Variants in COL14A1 observed in about 807,000 individuals in gnomAD.
The protein encoded by COL14A1 is collagen type XIV alpha 1 chain.
In COL14A1, 136 loss-of-function variants were observed where a neutral mutation model predicts 230.3. That is an observed-to-expected ratio of 0.59 (90% CI 0.51 to 0.68). The LOEUF (loss-of-function observed/expected upper bound fraction) is 0.68. Among genes scored for constraint, COL14A1 ranks in the 30% least tolerant of loss-of-function variants. The probability of loss-of-function intolerance (pLI) is 0.00; values close to 1 mark genes in which losing one functional copy is unlikely to be tolerated. For synonymous variants in COL14A1, 792 were observed against 784.1 expected (o/e 1.01, Z -0.17); for missense variants, 1,976 against 2,215.8 (o/e 0.89, Z 2.17).
intron 5 of COL14A1, among the ~76,000 whole-genome samples, chr8:120,177,518 G>A (rs546543915): frequency 2.0e-4 from 31 of 151,666 alleles, no homozygotes; most frequent in South Asian, 4.2e-4. Context: ...GAGTGGTGGC[G>A]CACATCAGTA....
intron 20 of COL14A1, 47 bp from the exon 21 acceptor site, chr8:120,247,566 A>C: frequency 6.3e-7 from 1 of 1,580,886 alleles, no homozygotes. Context: ...GGACATAAAG[A>C]AGGAAATTAC....
chr8:120,180,758 C>T (rs13268981), intron 5 of COL14A1, among the ~76,000 whole-genome samples: 143 of 128,454 alleles, frequency 1.1e-3, no homozygotes, highest in Admixed American at 5.0e-3. Context: ...CCCAGGCTGG[C>T]GTGCAGTGGC....
chr8:120,345,549 C>T lies in COL14A1; in HGVS notation c.5063C>T (p.Thr1688Ile), dbSNP rs1822477208. Residue 1688 changes from threonine (T) to isoleucine (I), a missense_variant, in exon 45 of 48, where the codon ACC becomes ATC. Coordinates refer to ENST00000297848, the MANE Select transcript of COL14A1 (RefSeq NM_021110.4). ...CCCGGAAATGCAGGCGTGCCAGGGA[C>T]CCCAGGAGAACGAGGTAAGCTGGGC... ...GFPGNAGVPG[T>I]PGERGLTGIK... is the part of the protein sequence containing the mutation. The T allele has an allele frequency of 6.4e-7, 1 of 1,550,460 alleles. No individual in the cohort carries two copies. The highest frequency in any genetic ancestry group is 8.7e-7 in the Non-Finnish European group (1 of 1,155,590).
intron 35 of COL14A1, among the ~76,000 whole-genome samples, chr8:120,300,260 A>G (rs1165410141): frequency 2.0e-5 from 3 of 152,188 alleles, no homozygotes; most frequent in Admixed American, 6.6e-5. Context: ...ATTGATGAAG[A>G]GTTTAAACAT....
intron 40 of COL14A1, among the ~76,000 whole-genome samples, chr8:120,331,794 G>A (rs1821876114): frequency 6.6e-6 from 1 of 152,194 alleles, no homozygotes; most frequent in Non-Finnish European, 1.5e-5. Flanking sequence ...GGTCATGAAA[G>A]ATACTAATTC....
At chr8:120,124,925 C>A (rs963481618), upstream of COL14A1, among the ~76,000 whole-genome samples, 1 of 152,116 alleles carries the variant, frequency 6.6e-6, no homozygotes, top group Non-Finnish European at 1.5e-5. Context: ...TCGGGGTAGG[C>A]GAGCGCGTGA....
chr8:120,231,228 G>A (rs1471309558), intron 18 of COL14A1, among the ~76,000 whole-genome samples: 1 of 152,188 alleles, frequency 6.6e-6, no homozygotes, highest in Admixed American at 6.5e-5. Context: ...AGAACTGACA[G>A]TTTTGAGGGC....
chr8:120,310,203 C>T (rs1277142614), intron 37 of COL14A1, 141 bp downstream of exon 37: 15 of 719,938 alleles, frequency 2.1e-5, no homozygotes, highest in Non-Finnish European at 3.1e-5. Flanking sequence ...GTGCCTAACC[C>T]TTCTTCCTTA....
chr8:120,362,745 G>A (rs1043240678), intron 45 of COL14A1, among the ~76,000 whole-genome samples: 16 of 152,162 alleles, frequency 1.1e-4, no homozygotes. Context: ...CAGTTTTACT[G>A]TGAACCCAAA....
chr8:120,359,187 G>A (rs948075591), intron 45 of COL14A1, among the ~76,000 whole-genome samples: 10 of 151,526 alleles, frequency 6.6e-5, no homozygotes, highest in Non-Finnish European at 1.0e-4. Context: ...TTTAATCCCC[G>A]CATGCATTAG....
chr8:120,210,421 G>A (rs192553108), intron 12 of COL14A1, among the ~76,000 whole-genome samples: 4 of 152,266 alleles, frequency 2.6e-5, no homozygotes, highest in Non-Finnish European at 5.9e-5. Context: ...TTGCCAAATG[G>A]CTCTAGAGAA....
At chr8:120,218,174 T>A (rs1434372521) in intron 14 of COL14A1, among the ~76,000 whole-genome samples, 3 of 136,544 alleles carry the variant, frequency 2.2e-5, no homozygotes, top group Non-Finnish European at 4.6e-5. Flanking sequence ...TATAAATATA[T>A]ATAAATATAT....
intron 15 of COL14A1, among the ~76,000 whole-genome samples, chr8:120,225,652 G>T (rs1023360374): frequency 2.0e-5 from 3 of 151,912 alleles, no homozygotes; most frequent in African/African-American, 7.3e-5. Flanking sequence ...GATTTTCCCC[G>T]AGCCTGAAAT....
rs578224093 is a variant in COL14A1 at position 120,354,341 on chromosome 8, T to C, written c.5077+8778T>C. Among the ~76,000 whole-genome samples the C allele has an allele frequency of 3.0e-5, 4 of 133,046 alleles. No individual in the cohort carries two copies. In the East Asian group the frequency reaches 6.6e-4, roughly 22 times the overall value. The allele number at this position is 133,046 out of a possible 152,430, so 87.3% of individuals were successfully genotyped here. A position where few individuals can be genotyped will look rare whatever the true frequency, so the allele number is the denominator to read the frequency against. On this transcript the variant is annotated intron_variant, in intron 45 of 47. Coordinates refer to ENST00000297848, the MANE Select transcript of COL14A1 (RefSeq NM_021110.4). ...CACCAGCATGGCACATGTATACATA[T>C]GTAACTAACCTGCACAATGTGCACA...
chr8:120,328,085 T>A (rs766475010), intron 40 of COL14A1, among the ~76,000 whole-genome samples: 2 of 152,082 alleles, frequency 1.3e-5, no homozygotes, highest in Non-Finnish European at 2.9e-5. Context: ...CTATTTTGTG[T>A]CAGTAATGTG....
At chr8:120,241,654 C>A (rs1408282501) in intron 19 of COL14A1, among the ~76,000 whole-genome samples, 1 of 148,718 alleles carries the variant, frequency 6.7e-6, no homozygotes, top group African/African-American at 2.6e-5. Flanking sequence ...AAGCAGAGGC[C>A]AAGCAAGAGG....
chr8:120,327,103 T>G (rs1821700596), intron 40 of COL14A1, among the ~76,000 whole-genome samples: 1 of 152,152 alleles, frequency 6.6e-6, no homozygotes, highest in Non-Finnish European at 1.5e-5. Flanking sequence ...AACCATTATC[T>G]CTAAAAGTGT....
chr8:120,177,959 A>G (rs1189272581), intron 5 of COL14A1, among the ~76,000 whole-genome samples: 1 of 152,100 alleles, frequency 6.6e-6, no homozygotes, highest in African/African-American at 2.4e-5. Context: ...ACATAGGAAG[A>G]AAAGAGCCAA....
rs375636892 is a variant in COL14A1 at position 120,281,058 on chromosome 8, A to G, written c.3823A>G (p.Arg1275Gly). The change falls in exon 31 of 48, where the codon AGG (arginine) becomes GGG (glycine). Residue 1275 changes from arginine to glycine, a missense_variant and splice_region_variant. Transcript: ENST00000297848. ...HKDALVSQPT[R>G]YLHPEGLPSD... ...AGATGCCCTGGTTTCCCAGCCAACCAGGTATGTTTCTGTTGAAAGATTTTA... is the reference window on the plus strand; with the variant it reads ...AGATGCCCTGGTTTCCCAGCCAACCGGGTATGTTTCTGTTGAAAGATTTTA... 1.2e-5 allele frequency: 19 copies of G among 1,601,866 alleles called. No homozygotes were observed. The Admixed American group carries it at 1.6e-4, about 13-fold the overall frequency.
Sources: gnomAD v4.1 joint callset for allele counts (sites outside exome capture counted in the v4.1 genomes callset) on GRCh38, gnomAD v4.1.1 for gene constraint, MANE v1.5 for transcripts, NCBI Gene and HGNC (gene_info 2026-07-23, HGNC 2026-07-21) for gene names.